Variants in MSRA observed in about 807,000 individuals in gnomAD.
MSRA encodes the protein methionine sulfoxide reductase A.
Under a neutral mutation model 31.3 loss-of-function variants are expected in MSRA, and 54 were observed. The ratio of observed to expected loss-of-function variants is 1.73; its 90% CI spans 1.39 to 2.17. The LOEUF (loss-of-function observed/expected upper bound fraction) is 2.17. Ranked by LOEUF, MSRA falls within the 30% of genes most tolerant of loss-of-function variation. MSRA has a pLI of 0.00. For missense variants in MSRA, 507 were observed against 300.9 expected, an observed-to-expected ratio of 1.69 and a Z score of -5.07; for synonymous variants, 169 against 116.5, an observed-to-expected ratio of 1.45 and a Z score of -2.90.
At chr8:10,251,692 C>T (rs1797924184) in intron 3 of MSRA, among the ~76,000 whole-genome samples, 1 of 152,202 alleles carries the variant, frequency 6.6e-6, no homozygotes, top group African/African-American at 2.4e-5. Context: ...CCCACACCCA[C>T]ATCCAAGCAG....
intron 4 of MSRA, among the ~76,000 whole-genome samples, chr8:10,316,767 T>A (rs572047622): frequency 3.9e-5 from 6 of 152,264 alleles, no homozygotes; most frequent in Admixed American, 3.9e-4. Context: ...AAAGGCAAGG[T>A]GCACCAGGAG....
chr8:10,308,635 C>G (rs943277854), intron 4 of MSRA, among the ~76,000 whole-genome samples: 3 of 152,226 alleles, frequency 2.0e-5, no homozygotes, highest in Non-Finnish European at 4.4e-5. Flanking sequence ...TTGGCACTTG[C>G]CTTTCCAACT....
chr8:10,213,150 T>G (rs1368526785), intron 2 of MSRA, among the ~76,000 whole-genome samples: 1 of 152,174 alleles, frequency 6.6e-6, no homozygotes, highest in African/African-American at 2.4e-5. Context: ...CTCACTATTA[T>G]ATTTTGCATC....
chr8:10,101,128 T>C (rs1288559762), intron 1 of MSRA, among the ~76,000 whole-genome samples: 1 of 152,150 alleles, frequency 6.6e-6, no homozygotes, highest in Non-Finnish European at 1.5e-5. Context: ...TTCCTCAGCA[T>C]CTCCCCAAAC....
chr8:10,280,464 A>G (rs929384786), intron 3 of MSRA, among the ~76,000 whole-genome samples: 3 of 152,088 alleles, frequency 2.0e-5, no homozygotes, highest in African/African-American at 7.2e-5. Context: ...TGTAATTGTG[A>G]TTTTTCCTGT....
intron 1 of MSRA, among the ~76,000 whole-genome samples, chr8:10,110,921 C>T (rs1026875166): frequency 1.3e-5 from 2 of 152,152 alleles, no homozygotes; most frequent in African/African-American, 2.4e-5. Flanking sequence ...CATGGTTTTT[C>T]TCCTAACCAT....
At chr8:10,227,120 G>T (rs967581978) in intron 2 of MSRA, among the ~76,000 whole-genome samples, 1 of 152,188 alleles carries the variant, frequency 6.6e-6, no homozygotes, top group African/African-American at 2.4e-5. Flanking sequence ...ATTCTGAGGA[G>T]AGCAGATAGT....
At chr8:10,202,473 G>T (rs900604898) in intron 1 of MSRA, among the ~76,000 whole-genome samples, 8 of 152,202 alleles carry the variant, frequency 5.3e-5, no homozygotes, top group African/African-American at 1.9e-4. Context: ...TTCTTCCCCT[G>T]TGCCATCTTT....
chr8:10,094,849 G>C (rs1434169306), intron 1 of MSRA, among the ~76,000 whole-genome samples: 1 of 152,210 alleles, frequency 6.6e-6, no homozygotes, highest in Non-Finnish European at 1.5e-5. Flanking sequence ...AACTTGAGGT[G>C]TCAAAATATG....
rs549936913 is a variant in MSRA, at chr8:10,343,544, G to C, written c.543+23555G>C. ...CTGTAGCACCGTCCATTTGCAAACT[G>C]CGTTCCCCAACCACTCTTTAATTGT... is the stretch of plus-strand genomic sequence containing the variant. On this transcript the variant is annotated intron_variant, in intron 5 of 5. Transcript: ENST00000317173. Among the ~76,000 whole-genome samples, 4 of 152,216 alleles carry C rather than the reference G, an allele frequency of 2.6e-5. No individual in the cohort carries two copies. The South Asian group carries it at 8.3e-4, about 32-fold the overall frequency.
At chr8:10,176,382 A>T (rs573625291) in intron 1 of MSRA, among the ~76,000 whole-genome samples, 1 of 152,180 alleles carries the variant, frequency 6.6e-6, no homozygotes, top group South Asian at 2.1e-4. Context: ...GGCTTAGTTC[A>T]CAAGGATCTA....
intron 1 of MSRA, among the ~76,000 whole-genome samples, chr8:10,109,147 C>T (rs1215844353): frequency 6.6e-6 from 1 of 152,064 alleles, no homozygotes; most frequent in Non-Finnish European, 1.5e-5. Context: ...AAATTAAGTC[C>T]AGGAGATAAA....
intron 1 of MSRA, among the ~76,000 whole-genome samples, chr8:10,174,846 C>A (rs533567817): frequency 2.0e-5 from 3 of 152,192 alleles, no homozygotes; most frequent in African/African-American, 4.8e-5. Context: ...TCTTCACTTT[C>A]ATCTCTTCAA....
intron 1 of MSRA, among the ~76,000 whole-genome samples, chr8:10,138,926 G>A (rs1257248943): frequency 2.6e-5 from 4 of 152,198 alleles, no homozygotes; most frequent in Admixed American, 2.6e-4. Context: ...TGGCCCTAGA[G>A]CTCCTTGTCC....
chr8:10,425,797 A>C (rs1220240016), intron 5 of MSRA, among the ~76,000 whole-genome samples: 1 of 152,236 alleles, frequency 6.6e-6, no homozygotes, highest in Non-Finnish European at 1.5e-5. Context: ...TGTGAATCCC[A>C]CTGGCGTTGT....
At chr8:10,425,693 T>C (rs1057349614) in intron 5 of MSRA, among the ~76,000 whole-genome samples, 1 of 152,244 alleles carries the variant, frequency 6.6e-6, no homozygotes, top group African/African-American at 2.4e-5. Flanking sequence ...GAGGCCCGTC[T>C]CAGCAGGCGG....
At chr8:10,229,459 G>A (rs561886766) in intron 2 of MSRA, among the ~76,000 whole-genome samples, 8 of 152,234 alleles carry the variant, frequency 5.3e-5, no homozygotes, top group Non-Finnish European at 8.8e-5. Flanking sequence ...ACTGGGGGCC[G>A]GCTCTGAGGC....
intron 2 of MSRA, among the ~76,000 whole-genome samples, chr8:10,218,306 T>C (rs10092727): frequency 0.2 from 30,547 of 151,756 alleles, 3,555 homozygotes; most frequent in African/African-American, 0.31. Flanking sequence ...CCACCACACC[T>C]AGCCAATTTT....
intron 5 of MSRA, among the ~76,000 whole-genome samples, chr8:10,355,815 A>G (rs1485172234): frequency 6.6e-6 from 1 of 152,156 alleles, no homozygotes; most frequent in African/African-American, 2.4e-5. Flanking sequence ...CCCAGCCCTC[A>G]GGGGACTGAG....
Sources: gnomAD v4.1 joint callset for allele counts (sites outside exome capture counted in the v4.1 genomes callset) on GRCh38, gnomAD v4.1.1 for gene constraint, MANE v1.5 for transcripts, NCBI Gene and HGNC (gene_info 2026-07-23, HGNC 2026-07-21) for gene names.